SLC35F1: variants seen among roughly 807,000 people sequenced by gnomAD.
The protein encoded by SLC35F1 is solute carrier family 35 member F1, also known as chromosome 6 open reading frame 169.
In SLC35F1, 14 loss-of-function variants were observed where a neutral mutation model predicts 48.7. The ratio of observed to expected loss-of-function variants is 0.29; its 90% CI spans 0.19 to 0.45. The LOEUF (loss-of-function observed/expected upper bound fraction) is 0.45. Among genes scored for constraint, SLC35F1 ranks in the 20% least tolerant of loss-of-function variants. The pLI is 1.00. For missense variants in SLC35F1, 404 were observed against 500.0 expected, an observed-to-expected ratio of 0.81 and a Z score of 1.83; for synonymous variants, 190 against 202.2, an observed-to-expected ratio of 0.94 and a Z score of 0.51.
intron 1 of SLC35F1, among the ~76,000 whole-genome samples, chr6:118,051,040 T>C (rs1226014299): frequency 6.6e-6 from 1 of 152,174 alleles, no homozygotes; most frequent in Admixed American, 6.5e-5. Context: ...ACAAAAATTG[T>C]ACATACTTCA....
intron 1 of SLC35F1, among the ~76,000 whole-genome samples, chr6:117,992,601 C>T (rs1237499170): frequency 6.6e-6 from 1 of 152,176 alleles, no homozygotes; most frequent in African/African-American, 2.4e-5. Flanking sequence ...ATATGCCTTT[C>T]TGACTGAGAG....
At chr6:118,304,672 A>G (rs1291837952) in intron 7 of SLC35F1, among the ~76,000 whole-genome samples, 1 of 152,156 alleles carries the variant, frequency 6.6e-6, no homozygotes, top group Admixed American at 6.6e-5. Context: ...ACAATCACTG[A>G]CATTTGTTTA....
intron 1 of SLC35F1, among the ~76,000 whole-genome samples, chr6:118,007,627 C>G (rs1327567200): frequency 2.6e-5 from 4 of 152,092 alleles, no homozygotes; most frequent in Non-Finnish European, 5.9e-5. Flanking sequence ...ATAATATGCT[C>G]ATTATTCTTT....
chr6:118,036,482 G>A (rs1772133370), intron 1 of SLC35F1, among the ~76,000 whole-genome samples: 1 of 152,170 alleles, frequency 6.6e-6, no homozygotes, highest in African/African-American at 2.4e-5. Flanking sequence ...ATATTCTGCA[G>A]TCGTAAGATG....
At chr6:118,153,483 C>T (rs1228121934) in intron 1 of SLC35F1, among the ~76,000 whole-genome samples, 9 of 152,084 alleles carry the variant, frequency 5.9e-5, no homozygotes, top group Admixed American at 4.6e-4. Context: ...CTGCTTGCTT[C>T]TATTATATTA....
At chr6:118,085,005 C>T (rs1772965782) in intron 1 of SLC35F1, among the ~76,000 whole-genome samples, 1 of 152,128 alleles carries the variant, frequency 6.6e-6, no homozygotes, top group South Asian at 2.1e-4. Flanking sequence ...TTTGTTTAAC[C>T]ATCCCCTCTT....
intron 1 of SLC35F1, among the ~76,000 whole-genome samples, chr6:117,957,461 T>C (rs1324697131): frequency 5.3e-5 from 8 of 152,244 alleles, no homozygotes; most frequent in Non-Finnish European, 1.5e-5. Flanking sequence ...GCTTGAATTT[T>C]AGATGCGATC....
At chr6:118,217,390 A>G (rs1174953718) in intron 2 of SLC35F1, among the ~76,000 whole-genome samples, 3 of 152,236 alleles carry the variant, frequency 2.0e-5, no homozygotes, top group Non-Finnish European at 4.4e-5. Context: ...AAGGACAAAT[A>G]ATATATGATT....
intron 1 of SLC35F1, among the ~76,000 whole-genome samples, chr6:118,081,251 T>A (rs1364029005): frequency 6.6e-6 from 1 of 152,152 alleles, no homozygotes; most frequent in Non-Finnish European, 1.5e-5. Flanking sequence ...GTTTCACACA[T>A]ACAAAAATGC....
At chr6:118,158,335 TCA>T (rs1774175544) in intron 2 of SLC35F1, among the ~76,000 whole-genome samples, 1 of 152,164 alleles carries the variant, frequency 6.6e-6, no homozygotes. Flanking sequence ...ATCTTTCTAG[TCA>T]GGCACCTGAA....
chr6:118,046,235 C>G (rs1309683019), intron 1 of SLC35F1, among the ~76,000 whole-genome samples: 1 of 152,136 alleles, frequency 6.6e-6, no homozygotes, highest in African/African-American at 2.4e-5. Context: ...TGGCTTCTGT[C>G]TTAGATCTGC....
intron 1 of SLC35F1, 92 bp downstream of exon 1, chr6:117,907,991 C>T: frequency 8.4e-7 from 1 of 1,189,722 alleles, no homozygotes; most frequent in Non-Finnish European, 1.1e-6. Flanking sequence ...CCCACGGGTC[C>T]TTTGGGACGG....
At chr6:118,311,898 A>T (rs2114672670) in intron 7 of SLC35F1, among the ~76,000 whole-genome samples, 1 of 152,364 alleles carries the variant, frequency 6.6e-6, no homozygotes, top group Admixed American at 6.5e-5. Context: ...TAACAAAAAC[A>T]ATAATAAGAA....
At chr6:118,270,314 T>C (rs1257831410) in intron 4 of SLC35F1, among the ~76,000 whole-genome samples, 1 of 152,188 alleles carries the variant, frequency 6.6e-6, no homozygotes, top group African/African-American at 2.4e-5. Flanking sequence ...ACTTCTTAGA[T>C]GGCATTAAGT....
chr6:118,119,721 CTT>C lies in SLC35F1; in HGVS notation c.174-34721_174-34720del, dbSNP rs1274103712. Among the ~76,000 whole-genome samples the C allele has an allele frequency of 3.3e-5, 5 of 152,066 alleles. No individual in the cohort carries two copies. The East Asian group carries it at 9.6e-4, about 29-fold the overall frequency. Reference sequence around the variant, plus strand: ...AGACATCAAGGCCACTGTGGCTTCTCTTTTGTAGGCATCCAATTCAAATTACA... The same window carrying C: ...AGACATCAAGGCCACTGTGGCTTCTCTTGTAGGCATCCAATTCAAATTACA... On this transcript the variant is annotated intron_variant, in intron 1 of 7. Transcript: ENST00000360388.
chr6:117,950,036 G>A (rs775318411), intron 1 of SLC35F1, among the ~76,000 whole-genome samples: 2 of 152,030 alleles, frequency 1.3e-5, no homozygotes, highest in African/African-American at 2.4e-5. Flanking sequence ...TGCAGTCTCC[G>A]TTCACAGCCC....
intron 1 of SLC35F1, among the ~76,000 whole-genome samples, chr6:118,006,180 A>T (rs773079328): frequency 1.3e-5 from 2 of 152,116 alleles, no homozygotes; most frequent in African/African-American, 2.4e-5. Flanking sequence ...GCTTCTTTGC[A>T]TTCATAAAGT....
At chr6:117,942,330 AAG>A (rs1238746191) in intron 1 of SLC35F1, among the ~76,000 whole-genome samples, 1 of 152,152 alleles carries the variant, frequency 6.6e-6, no homozygotes, top group Non-Finnish European at 1.5e-5. Flanking sequence ...AAAGGGGGAG[AAG>A]AGTTTTTTGA....
intron 2 of SLC35F1, among the ~76,000 whole-genome samples, chr6:118,171,275 A>G (rs1774400145): frequency 6.6e-6 from 1 of 151,850 alleles, no homozygotes; most frequent in African/African-American, 2.4e-5. Context: ...CCAGGGCTCA[A>G]GAACTTTGGC....
Sources: allele counts gnomAD v4.1 joint callset (sites outside exome capture counted in the v4.1 genomes callset), GRCh38; gene constraint gnomAD v4.1.1; transcripts MANE v1.5; gene names NCBI Gene and HGNC (gene_info 2026-07-23, HGNC 2026-07-21).